The following DRG2 variants were observed in gnomAD, a reference collection of about 807,000 sequenced individuals.
DRG2 encodes the protein developmentally regulated GTP binding protein 2.
Under a neutral mutation model 53.4 loss-of-function variants are expected in DRG2, and 36 were observed. The observed-to-expected ratio is 0.67, with a 90% confidence interval of 0.52 to 0.89. The LOEUF is 0.89. Among genes scored for constraint, DRG2 ranks in the 40% least tolerant of loss-of-function variants. The pLI is 0.00. For synonymous variants in DRG2, 167 were observed against 192.1 expected, an observed-to-expected ratio of 0.87 and a Z score of 1.08; for missense variants, 342 against 481.2, an observed-to-expected ratio of 0.71 and a Z score of 2.71.
In DRG2 at chr17:18,100,365, C is replaced by A; in HGVS notation, c.470C>A (p.Ser157Tyr). The A allele has an allele frequency of 6.2e-7, 1 of 1,614,146 alleles. No homozygotes were observed. The highest frequency in any genetic ancestry group is 8.5e-7 in the Non-Finnish European group (1 of 1,180,038). ...GGCTTAAGGGGTACTCTTCCTAGGT[C>A]TCTGCTGGAGAAGGAGCTGGAGTCT... ...LDATKGEVQRSLLEKELESVG... is the reference protein window; with the variant it reads ...LDATKGEVQRYLLEKELESVG... Residue 157 changes from serine to tyrosine, a missense_variant and splice_region_variant, in exon 6 of 13, where the codon TCT becomes TAT. Transcript: ENST00000225729. This position sits in a 1 kb window ranked among gnomAD's most constrained non-coding sequence, Gnocchi z 4.1.
intron 7 of DRG2, among the ~76,000 whole-genome samples, chr17:18,101,285 G>T (rs1390373024): frequency 6.6e-6 from 1 of 152,220 alleles, no homozygotes; most frequent in Non-Finnish European, 1.5e-5. Flanking sequence ...TTAAAACTCT[G>T]TGTTGATTGA....
rs766381603 is a variant in DRG2, at chr17:18,100,641, C to G, written c.613C>G (p.Leu205Val). 8.1e-6 allele frequency: 13 copies of G among 1,613,956 alleles called. No homozygotes were observed. The East Asian group carries it at 2.5e-4, about 30-fold the overall frequency. The change falls in exon 7 of 13, where the codon CTC becomes GTC. Residue 205 changes from leucine (L) to valine (V), a missense_variant. Coordinates refer to ENST00000225729, the MANE Select transcript of DRG2 (RefSeq NM_001388.5). The surrounding 1 kb of genome is among the most constrained non-coding windows in gnomAD (Gnocchi z 4.1). Reference protein sequence around the residue: ...LTQCSEKLVQLILHEYKIFNA... With the variant: ...LTQCSEKLVQVILHEYKIFNA... ...CCAGTGCTCGGAAAAGCTGGTGCAG[C>G]TCATCCTGCACGAATACAGTATCCT...
chr17:18,101,375 C>A, intron 7 of DRG2, 118 bp from the exon 8 acceptor site: 1 of 864,856 alleles, frequency 1.2e-6, no homozygotes. Flanking sequence ...ACCTCACAAG[C>A]AGATACCGCC....
chr17:18,088,155 A>G, intron 1 of DRG2, 68 bp downstream of exon 1: 1 of 1,500,288 alleles, frequency 6.7e-7, no homozygotes. Flanking sequence ...AAATGGGGGA[A>G]CAACTCCAGC....
Position 18,103,141 on chromosome 17 carries a change from G to A in DRG2, c.807-660G>A, listed in dbSNP as rs941677949. ...TCCTGCTGTGTCCCAGGCCTTTGAG[G>A]GGCTGCCATCCTCAGGGCGTGAGAG... On this transcript the variant is annotated intron_variant, in intron 9 of 12. Coordinates refer to ENST00000225729, the MANE Select transcript of DRG2 (RefSeq NM_001388.5). This position sits in a 1 kb window ranked among gnomAD's most constrained non-coding sequence, Gnocchi z 4.4. Among the ~76,000 whole-genome samples the A allele has an allele frequency of 3.9e-5, 6 of 152,208 alleles. No homozygotes were observed. In the South Asian group the frequency reaches 1.2e-3, roughly 32 times the overall value.
intron 7 of DRG2, 118 bp from the exon 8 acceptor site, chr17:18,101,375 C>T (rs2045532408): frequency 1.2e-6 from 1 of 864,856 alleles, no homozygotes; most frequent in African/African-American, 1.7e-5. Flanking sequence ...ACCTCACAAG[C>T]AGATACCGCC....
intron 1 of DRG2, among the ~76,000 whole-genome samples, chr17:18,090,367 T>C (rs2045294901): frequency 4.9e-5 from 1 of 20,408 alleles, no homozygotes; most frequent in Non-Finnish European, 1.2e-4. Flanking sequence ...ACCGGGCTAA[T>C]TTATATATAT....
intron 1 of DRG2, among the ~76,000 whole-genome samples, chr17:18,090,187 CTTTTTTTTTT>C (rs764657114): frequency 1.4e-5 from 1 of 70,272 alleles, no homozygotes; most frequent in Non-Finnish European, 2.4e-5. Flanking sequence ...ACACTGAATC[CTTTTTTTTTT>C]TTTTTTTTTT....
At chr17:18,105,177 G>C (rs1000210526) in intron 11 of DRG2, among the ~76,000 whole-genome samples, 9 of 152,182 alleles carry the variant, frequency 5.9e-5, no homozygotes, top group African/African-American at 2.2e-4. Context: ...ACAGGCCCCA[G>C]GGGAGGTGGT....
chr17:18,097,021 G>C (rs537897078), intron 2 of DRG2: 1 of 152,358 alleles, frequency 6.6e-6, no homozygotes, highest in Non-Finnish European at 1.5e-5. Flanking sequence ...TAGTTACCAA[G>C]AGCCGTGACC....
At chr17:18,106,375 C>T in intron 11 of DRG2, 58 bp from the exon 12 acceptor site, 1 of 1,601,690 alleles carries the variant, frequency 6.2e-7, no homozygotes, top group East Asian at 2.2e-5. Context: ...TGCAGCCAAG[C>T]TTGGGATGGG....
chr17:18,101,784 C>G (rs1021506430), intron 8 of DRG2, 137 bp from the exon 9 acceptor site: 100 of 1,186,692 alleles, frequency 8.4e-5, no homozygotes, highest in Non-Finnish European at 1.1e-4. Flanking sequence ...CCTTCCCAAC[C>G]CTGAGGCAGC....
At position 18,107,468 on chromosome 17, in the gene DRG2, G is replaced by A. The variant is rs530165338; in HGVS notation, c.*228G>A. 2.1e-5 allele frequency: 12 copies of A among 574,532 alleles called. No homozygotes were observed. Among genetic ancestry groups the A allele is most frequent in the Admixed American group, 3.0e-5 (1 of 33,442 alleles). 35.6% of individuals were successfully genotyped at this position (574,532 alleles called of 1,614,324 possible). On this transcript the variant is annotated 3_prime_UTR_variant, in exon 13 of 13. Coordinates refer to ENST00000225729, the MANE Select transcript of DRG2 (RefSeq NM_001388.5). ...CATAAGACTGAGCCCTCTCATGGGG[G>A]TTTTGAGTTTGTAGTGCTGAGCCTG...
In DRG2 at chr17:18,102,006, A is replaced by G. The variant is rs948296732; in HGVS notation, c.806+9A>G. ...AACAGTGTGGTCATCAGGTGAGGCC[A>G]CTGGCATCCTGCCACTCTGCTGTCC... is the stretch of plus-strand genomic sequence containing the variant. On this transcript the variant is annotated intron_variant, in intron 9 of 12. Coordinates refer to ENST00000225729, the MANE Select transcript of DRG2 (RefSeq NM_001388.5). The G allele has an allele frequency of 1.9e-6, 3 of 1,600,334 alleles. No homozygotes were observed. Among genetic ancestry groups the G allele is most frequent in the East Asian group, 4.6e-5 (2 of 43,884 alleles).
At position 18,101,710 on chromosome 17, in the gene DRG2, C is replaced by G. The variant is rs2045540157; in HGVS notation, c.729+120C>G. 2.7e-6 allele frequency: 3 copies of G among 1,115,050 alleles called. No homozygotes were observed. In the South Asian group the frequency reaches 4.4e-5, roughly 16 times the overall value. 69.1% of individuals were successfully genotyped at this position (1,115,050 alleles called of 1,614,324 possible). A position where few individuals can be genotyped will look rare whatever the true frequency, so the allele number is the denominator to read the frequency against. ...GTCTGAGGCTCTCCCCTCACCTCACCTCACCTCAGTGGCTGCTTGGATCTT... is the reference window on the plus strand; with the variant it reads ...GTCTGAGGCTCTCCCCTCACCTCACGTCACCTCAGTGGCTGCTTGGATCTT... On this transcript the variant is annotated intron_variant, in intron 8 of 12. Transcript: ENST00000225729.
chr17:18,088,088 G>A lies in DRG2; in HGVS notation c.64+1G>A. The stretch of plus-strand genomic sequence containing the variant: ...ATCGCTCGGACACAGAAGAACAAGG[G>A]TGAGGGCCGGCCGGGCGGGGCCTTC... On this transcript the variant is annotated splice_donor_variant, in intron 1 of 12. Coordinates refer to ENST00000225729, the MANE Select transcript of DRG2 (RefSeq NM_001388.5). LOFTEE classifies it high-confidence loss of function. The A allele has an allele frequency of 6.5e-7, 1 of 1,543,970 alleles. No homozygotes were observed. Among genetic ancestry groups the A allele is most frequent in the South Asian group, 1.2e-5 (1 of 82,710 alleles).
intron 12 of DRG2, 36 bp downstream of exon 12, chr17:18,106,522 ACCCAGGACAGC>A: frequency 6.2e-7 from 1 of 1,612,358 alleles, no homozygotes; most frequent in Non-Finnish European, 8.5e-7. Flanking sequence ...AGGGGGGTAG[ACCCAGGACAGC>A]CCCTGGGTTA....
rs75409266 is a variant in DRG2, at chr17:18,101,302, T to C, written c.632-191T>C. Among the ~76,000 whole-genome samples the C allele has an allele frequency of 5.3e-5, 8 of 152,320 alleles. No homozygotes were observed. In the East Asian group the frequency reaches 1.5e-3, roughly 29 times the overall value. On this transcript the variant is annotated intron_variant, in intron 7 of 12. Coordinates refer to ENST00000225729, the MANE Select transcript of DRG2 (RefSeq NM_001388.5). ...AAAACTCTGTGTTGATTGAAACTTT[T>C]ATATATTGTGGTCCCTCTGGGGAAG...
Position 18,100,080 on chromosome 17 carries a change from C to G in DRG2, c.468-283C>G. 1 of 578,330 alleles carries G rather than the reference C, an allele frequency of 1.7e-6. No homozygotes were observed. Among genetic ancestry groups the G allele is most frequent in the Non-Finnish European group, 3.1e-6 (1 of 323,900 alleles). 35.8% of individuals were successfully genotyped at this position (578,330 alleles called of 1,614,324 possible). A position where few individuals can be genotyped will look rare whatever the true frequency, so the allele number is the denominator to read the frequency against. ...GAGGGGTACACCAGGCCTGCCTCCT[C>G]GGGACCAGAAGGAGTACCCTCATGT... On this transcript the variant is annotated intron_variant, in intron 5 of 12. Transcript: ENST00000225729. The surrounding 1 kb of genome is among the most constrained non-coding windows in gnomAD (Gnocchi z 4.1).
Sources: gnomAD v4.1 joint callset for allele counts (sites outside exome capture counted in the v4.1 genomes callset) on GRCh38, gnomAD v4.1.1 for gene constraint, Gnocchi (gnomAD v3.1) non-coding constraint, MANE v1.5 for transcripts, NCBI Gene and HGNC (gene_info 2026-07-23, HGNC 2026-07-21) for gene names.